The following ADAR variants were observed in gnomAD, a reference collection of about 807,000 sequenced individuals.
ADAR encodes double-stranded RNA-specific adenosine deaminase.
A neutral mutation model predicts 113.2 loss-of-function variants in ADAR; 41 were observed. The ratio of observed to expected loss-of-function variants is 0.36; its 90% CI spans 0.28 to 0.47. The LOEUF (loss-of-function observed/expected upper bound fraction) is 0.47. ADAR is among the 20% of genes least tolerant of loss of function. ADAR has a pLI of 1.00. For synonymous variants in ADAR, 605 were observed against 572.6 expected, an observed-to-expected ratio of 1.06 and a Z score of -0.81; for missense variants, 1,242 against 1,540.9, an observed-to-expected ratio of 0.81 and a Z score of 3.25.
chr1:154,608,578 G>C (rs1003267148), upstream of ADAR, among the ~76,000 whole-genome samples: 1 of 140,706 alleles, frequency 7.1e-6, no homozygotes, highest in Non-Finnish European at 1.5e-5. Flanking sequence ...CCGGCTTCAA[G>C]AGATCCGCCC....
chr1:154,590,022 T>G, intron 7 of ADAR, 94 bp from the exon 8 acceptor site: 1 of 1,544,198 alleles, frequency 6.5e-7, no homozygotes, highest in Non-Finnish European at 8.9e-7. Flanking sequence ...ACTTGTCGTG[T>G]GAGTCATCTT....
At chr1:154,592,808 A>T (rs12086987) in intron 6 of ADAR, among the ~76,000 whole-genome samples, 10,414 of 151,664 alleles carry the variant, frequency 0.069, 1,211 homozygotes, top group African/African-American at 0.24. Flanking sequence ...TAGATGGAGG[A>T]ATCGGGAGCT....
chr1:154,602,380 C>T lies in ADAR; in HGVS notation c.262G>A (p.Val88Met), dbSNP rs1557889282. The change falls in exon 2 of 15, where the codon GTG becomes ATG. Residue 88 changes from valine to methionine, a missense_variant. Transcript: ENST00000368474. ...CCCCTGGGGACACCCCTGATGTCCA[C>T]TTGCCTGCCTCTGGTACTGGAGGCA... Reference protein sequence around the residue: ...LLASSTRGRQVDIRGVPRGVH... With the variant: ...LLASSTRGRQMDIRGVPRGVH... The T allele has an allele frequency of 6.2e-7, 1 of 1,602,572 alleles. No individual in the cohort carries two copies. Among genetic ancestry groups the T allele is most frequent in the Admixed American group, 1.7e-5 (1 of 59,372 alleles).
chr1:154,598,671 C>A, intron 2 of ADAR, 86 bp from the exon 3 acceptor site: 1 of 1,417,050 alleles, frequency 7.1e-7, no homozygotes, highest in South Asian at 1.2e-5. Flanking sequence ...CTGGAATTTT[C>A]TGCTACGCTA....
chr1:154,608,013 C>T lies in ADAR; in HGVS notation c.-7G>A. On this transcript the variant is annotated 5_prime_UTR_variant, in exon 1 of 15. Transcript: ENST00000368474. ...TTACCTGCCGCGGATTCATTGCGCC[C>T]GCGAGGCATTGCCCGGCCCGACCCG... 6.3e-7 allele frequency: 1 copy of T among 1,598,832 alleles called. No homozygotes were observed. The highest frequency in any genetic ancestry group is 1.1e-5 in the South Asian group (1 of 89,184).
chr1:154,602,998 T>C (rs1374844157), intron 1 of ADAR, among the ~76,000 whole-genome samples: 1 of 152,194 alleles, frequency 6.6e-6, no homozygotes, highest in Non-Finnish European at 1.5e-5. Flanking sequence ...ACAACAAATA[T>C]ATGTTATTGT....
Position 154,588,600 on chromosome 1 carries a change from C to T in ADAR, c.2836G>A (p.Gly946Arg). ...KDSIFEPAKGGEKLQIKKTVS... is the reference protein window; with the variant it reads ...KDSIFEPAKGREKLQIKKTVS... ...GTCTTTTTTATTTGGAGCTTTTCTCCTCCCTTAGCAGGTTCAAATATACTA... is the reference window on the plus strand; with the variant it reads ...GTCTTTTTTATTTGGAGCTTTTCTCTTCCCTTAGCAGGTTCAAATATACTA... Residue 946 changes from glycine (G) to arginine (R), a missense_variant, in exon 10 of 15, where the codon GGA becomes AGA. Around this residue, in one of 2 missense-constraint regions of ADAR, gnomAD observed 780 missense variants for 1,057.9 expected, o/e 0.74. Transcript: ENST00000368474. The T allele has an allele frequency of 6.2e-7, 1 of 1,614,140 alleles. No homozygotes were observed. Among genetic ancestry groups the T allele is most frequent in the South Asian group, 1.1e-5 (1 of 91,084 alleles).
intron 12 of ADAR, 94 bp downstream of exon 12, chr1:154,586,087 A>T: frequency 6.7e-7 from 1 of 1,495,180 alleles, no homozygotes; most frequent in Non-Finnish European, 9.3e-7. Context: ...TCACTTTGAT[A>T]AGGGAGACAA....
rs1321911338 is a variant in ADAR, at chr1:154,585,763, T to C, written c.3305A>G (p.Asn1102Ser). The part of the protein sequence containing the change: ...EDGLRHPFIV[N>S]HPKVGRVSIY... The stretch of plus-strand genomic sequence containing the variant: ...AGGGGGTTATAGCACCTTGGGGTGG[T>C]TGACAATAAAGGGATGTCGTAGTCC... Residue 1102 changes from asparagine to serine, a missense_variant, in exon 13 of 15, where the codon AAC (asparagine) becomes AGC (serine). By Grantham distance (46) the Asn-to-Ser change is conservative. Transcript: ENST00000368474. The C allele has an allele frequency of 1.2e-6, 2 of 1,613,486 alleles. No homozygotes were observed. Among genetic ancestry groups the C allele is most frequent in the Admixed American group, 1.7e-5 (1 of 59,984 alleles).
In ADAR at chr1:154,589,783, A is replaced by G. The variant is rs761544164; in HGVS notation, c.2642T>C (p.Met881Thr). Residue 881 changes from methionine to threonine, a missense_variant, in exon 8 of 15, where the codon ATG becomes ACG. Transcript: ENST00000368474. The stretch of plus-strand genomic sequence containing the variant: ...TGTTCCCAAGCTGACGACGACACCC[A>G]TGTCCTCAGAGTCTTTTTTCATAAT... ...AIIMKKDSEDMGVVVSLGTGN... is the reference protein window; with the variant it reads ...AIIMKKDSEDTGVVVSLGTGN... The G allele has an allele frequency of 5.0e-6, 8 of 1,614,040 alleles. No individual in the cohort carries two copies. Among genetic ancestry groups the G allele is most frequent in the South Asian group, 2.2e-5 (2 of 91,078 alleles).
At chr1:154,626,003 CAAA>C (rs60388172) in intron 1 of ADAR, among the ~76,000 whole-genome samples, 16 of 82,398 alleles carry the variant, frequency 1.9e-4, no homozygotes, top group Admixed American at 2.7e-4. Context: ...GACTCTGTCT[CAAA>C]AAAAAAAAAA....
At chr1:154,593,453 TG>T (rs1697299280) in intron 6 of ADAR, among the ~76,000 whole-genome samples, 1 of 152,224 alleles carries the variant, frequency 6.6e-6, no homozygotes, top group Non-Finnish European at 1.5e-5. Context: ...AGCAATTTTT[TG>T]TATCTTCCAT....
At chr1:154,587,450 A>G (rs531477539) in intron 11 of ADAR, among the ~76,000 whole-genome samples, 1 of 152,272 alleles carries the variant, frequency 6.6e-6, no homozygotes, top group Admixed American at 6.5e-5. Context: ...TAATGCTGCC[A>G]TGAACATTCA....
At chr1:154,599,673 G>C (rs1347344720) in intron 2 of ADAR, among the ~76,000 whole-genome samples, 2 of 152,314 alleles carry the variant, frequency 1.3e-5, no homozygotes, top group Non-Finnish European at 2.9e-5. Context: ...TCTTTCCCTG[G>C]CTGCAGCTGC....
intron 1 of ADAR, among the ~76,000 whole-genome samples, chr1:154,606,421 A>G (rs539032012): frequency 1.3e-5 from 2 of 152,224 alleles, no homozygotes; most frequent in Non-Finnish European, 2.9e-5. Context: ...AAAACAACAA[A>G]AAGTTGTAGA....
chr1:154,582,716 AAAC>A lies in ADAR; in HGVS notation c.*2087_*2089del, dbSNP rs1696485891. The A allele has an allele frequency of 1.3e-5, 2 of 152,318 alleles. No homozygotes were observed. Among genetic ancestry groups the A allele is most frequent in the Admixed American group, 6.5e-5 (1 of 15,290 alleles). The allele number at this position is 152,318 out of a possible 1,614,324, so 9.4% of individuals were successfully genotyped here. A position where few individuals can be genotyped will look rare whatever the true frequency, so the allele number is the denominator to read the frequency against. The stretch of plus-strand genomic sequence containing the variant: ...ATGCCCAAGATGGACCAGAGAGGCC[AAAC>A]AACCTGAGGACTCAGCAGGTGACAA... On this transcript the variant is annotated 3_prime_UTR_variant, in exon 15 of 15. Coordinates refer to ENST00000368474, the MANE Select transcript of ADAR (RefSeq NM_001111.5).
intron 1 of ADAR, among the ~76,000 whole-genome samples, chr1:154,613,209 A>G (rs1698539720): frequency 6.6e-6 from 1 of 151,634 alleles, no homozygotes; most frequent in South Asian, 2.1e-4. Flanking sequence ...GAGTTGCCCA[A>G]CTGGCTGAGT....
rs1019303347 is a variant in ADAR at position 154,584,413 on chromosome 1, G to C, written c.*393C>G. On this transcript the variant is annotated 3_prime_UTR_variant, in exon 15 of 15. Coordinates refer to ENST00000368474, the MANE Select transcript of ADAR (RefSeq NM_001111.5). ...AATTATCAGTCCCTGACATGATCCA[G>C]AGTTGACTGAAACCTAATCAAGACC... is the stretch of plus-strand genomic sequence containing the variant. 1.4e-5 allele frequency: 3 copies of C among 214,890 alleles called. No homozygotes were observed. Among genetic ancestry groups the C allele is most frequent in the Non-Finnish European group, 2.8e-5 (3 of 106,576 alleles). The allele number at this position is 214,890 out of a possible 1,614,324, so 13.3% of individuals were successfully genotyped here. A position where few individuals can be genotyped will look rare whatever the true frequency, so the allele number is the denominator to read the frequency against.
intron 6 of ADAR, among the ~76,000 whole-genome samples, chr1:154,591,134 T>C (rs935128759): frequency 9.9e-5 from 15 of 152,232 alleles, no homozygotes; most frequent in Non-Finnish European, 4.4e-5. Context: ...AATCATGTTA[T>C]AAAATTCTGA....
Sources: gnomAD v4.1 joint callset for allele counts (sites outside exome capture counted in the v4.1 genomes callset) on GRCh38, gnomAD v4.1.1 for gene constraint, gnomAD v4.1.1 regional missense constraint, MANE v1.5 for transcripts, NCBI Gene and HGNC (gene_info 2026-07-23, HGNC 2026-07-21) for gene names.